Variants in AKAP6 observed in about 807,000 individuals in gnomAD.
AKAP6 encodes the protein A-kinase anchor protein 6.
AKAP6 carries 58 observed loss-of-function variants against 188.5 expected under a neutral mutation model. The ratio of observed to expected loss-of-function variants is 0.31; its 90% CI spans 0.25 to 0.38. The LOEUF is 0.38. Ranked by LOEUF, AKAP6 falls within the 10% of genes least tolerant of loss-of-function variation. The pLI, the probability that AKAP6 is intolerant of heterozygous loss-of-function variation, is 1.00. For synonymous variants in AKAP6, 989 were observed against 998.6 expected (o/e 0.99, Z 0.18); for missense variants, 2,710 against 2,740.0 (o/e 0.99, Z 0.24).
chr14:32,786,593 G>A (rs1014131186), intron 12 of AKAP6, among the ~76,000 whole-genome samples: 10 of 151,758 alleles, frequency 6.6e-5, no homozygotes, highest in Non-Finnish European at 1.5e-4. Context: ...CAAAGTGCTG[G>A]GATTACAGGC....
intron 11 of AKAP6, among the ~76,000 whole-genome samples, chr14:32,739,410 A>C (rs1312615405): frequency 6.6e-6 from 1 of 152,064 alleles, no homozygotes; most frequent in Non-Finnish European, 1.5e-5. Context: ...TTAAAAATAT[A>C]CAATTAAGTT....
At chr14:32,604,935 C>A (rs1337362999) in intron 7 of AKAP6, among the ~76,000 whole-genome samples, 1 of 152,068 alleles carries the variant, frequency 6.6e-6, no homozygotes, top group Non-Finnish European at 1.5e-5. Flanking sequence ...GGTATTAAGC[C>A]CAGCATGCAT....
chr14:32,695,081 T>C (rs775278772), intron 8 of AKAP6, among the ~76,000 whole-genome samples: 3 of 152,250 alleles, frequency 2.0e-5, no homozygotes, highest in Non-Finnish European at 4.4e-5. Flanking sequence ...AGGCTTTCAA[T>C]AGAGAATCAC....
At chr14:32,377,139 T>C (rs961799334) in intron 1 of AKAP6, among the ~76,000 whole-genome samples, 1 of 152,216 alleles carries the variant, frequency 6.6e-6, no homozygotes, top group African/African-American at 2.4e-5. Context: ...CCTAAGTGGT[T>C]CTGGTCTTGT....
rs777302096 is a variant in AKAP6 at position 32,546,718 on chromosome 14, A to G, written c.2065A>G (p.Lys689Glu). ...CTATCCAACCTATCATGTCAAAAAG[A>G]AGCATACAAGGCTAGGCAGGGTGTC... ...EIYPTYHVKK[K>E]HTRLGRVSPS... is the part of the protein sequence containing the mutation. Residue 689 changes from lysine to glutamate, a missense_variant, in exon 4 of 14, where the codon AAG becomes GAG. Transcript: ENST00000280979. The G allele has an allele frequency of 6.2e-7, 1 of 1,614,148 alleles. No homozygotes were observed. Among genetic ancestry groups the G allele is most frequent in the Non-Finnish European group, 8.5e-7 (1 of 1,180,012 alleles).
chr14:32,610,005 A>T (rs1055792453), intron 7 of AKAP6, among the ~76,000 whole-genome samples: 28 of 152,132 alleles, frequency 1.8e-4, no homozygotes, highest in African/African-American at 6.7e-4. Flanking sequence ...TTGTGTAACC[A>T]TTGTGTGTGG....
chr14:32,724,482 G>A (rs2030740678), intron 9 of AKAP6, among the ~76,000 whole-genome samples: 1 of 152,170 alleles, frequency 6.6e-6, no homozygotes, highest in Non-Finnish European at 1.5e-5. Context: ...TTGGGTGTAT[G>A]TTCTTAGCAA....
At chr14:32,776,581 C>T (rs1446144511) in intron 12 of AKAP6, among the ~76,000 whole-genome samples, 1 of 152,216 alleles carries the variant, frequency 6.6e-6, no homozygotes, top group East Asian at 1.9e-4. Context: ...AATACTTGCA[C>T]ATAGTAGGTC....
chr14:32,677,647 A>G (rs1889489961), intron 7 of AKAP6, among the ~76,000 whole-genome samples: 1 of 152,234 alleles, frequency 6.6e-6, no homozygotes, highest in Non-Finnish European at 1.5e-5. Flanking sequence ...CATGCCAAAT[A>G]TTATTCAGCA....
At chr14:32,372,563 C>T (rs1594551584) in intron 1 of AKAP6, among the ~76,000 whole-genome samples, 1 of 147,852 alleles carries the variant, frequency 6.8e-6, no homozygotes. Flanking sequence ...TTTAAGATCA[C>T]TTTTTTTTTT....
Position 32,693,083 on chromosome 14 carries a change from T to C in AKAP6, c.2880-2907T>C, listed in dbSNP as rs868233003. On this transcript the variant is annotated intron_variant, in intron 8 of 13. Transcript: ENST00000280979. ...ATAGGGATTTACATGATCTTGTAAT[T>C]CTGGGGTGCAGTGGAGTCCCCTGGC... Among the ~76,000 whole-genome samples, 21 of 152,296 alleles carry C rather than the reference T, an allele frequency of 1.4e-4. No homozygotes were observed. In the South Asian group the frequency reaches 2.5e-3, roughly 18 times the overall value.
intron 9 of AKAP6, among the ~76,000 whole-genome samples, chr14:32,715,011 T>G (rs1487165788): frequency 6.6e-6 from 1 of 151,898 alleles, no homozygotes. Context: ...TCACTCTAAT[T>G]TCAAATTCCC....
At chr14:32,762,750 C>T (rs2032580495) in intron 11 of AKAP6, among the ~76,000 whole-genome samples, 1 of 152,010 alleles carries the variant, frequency 6.6e-6, no homozygotes. Flanking sequence ...TGTATCTATT[C>T]ATCCAAGGAT....
At chr14:32,423,954 C>T (rs890781082) in intron 1 of AKAP6, among the ~76,000 whole-genome samples, 1 of 152,066 alleles carries the variant, frequency 6.6e-6, no homozygotes, top group African/African-American at 2.4e-5. Flanking sequence ...GGACAGAGTG[C>T]AGAACTCTTT....
chr14:32,380,612 A>G (rs950654903), intron 1 of AKAP6, among the ~76,000 whole-genome samples: 1 of 152,232 alleles, frequency 6.6e-6, no homozygotes, highest in Non-Finnish European at 1.5e-5. Flanking sequence ...TTCAAGAGGC[A>G]TATAGACAGA....
intron 1 of AKAP6, among the ~76,000 whole-genome samples, chr14:32,365,636 C>A (rs985334568): frequency 6.6e-6 from 1 of 152,112 alleles, no homozygotes; most frequent in African/African-American, 2.4e-5. Context: ...CCACTTGTAC[C>A]GAAGTCGACT....
intron 2 of AKAP6, among the ~76,000 whole-genome samples, chr14:32,503,279 T>C (rs769378834): frequency 1.6e-4 from 24 of 152,106 alleles, no homozygotes; most frequent in Non-Finnish European, 2.5e-4. Context: ...GTGTTGTTGG[T>C]CTTTTCTTTT....
At chr14:32,611,160 G>T (rs1239709678) in intron 7 of AKAP6, among the ~76,000 whole-genome samples, 4 of 152,238 alleles carry the variant, frequency 2.6e-5, no homozygotes, top group Middle Eastern at 6.8e-3. Flanking sequence ...CCTGAGGGAA[G>T]GGTTAACGAT....
At chr14:32,510,414 GTATATATATA>G (rs1881147892) in intron 2 of AKAP6, among the ~76,000 whole-genome samples, 1 of 112,332 alleles carries the variant, frequency 8.9e-6, no homozygotes, top group African/African-American at 3.9e-5. Flanking sequence ...GTATATATAT[GTATATATATA>G]CATATATATA....
Sources: allele counts gnomAD v4.1 joint callset (sites outside exome capture counted in the v4.1 genomes callset), GRCh38; gene constraint gnomAD v4.1.1; transcripts MANE v1.5; gene names NCBI Gene and HGNC (gene_info 2026-07-23, HGNC 2026-07-21).